NPAS2: variants seen among roughly 807,000 people sequenced by gnomAD.
The protein encoded by NPAS2 is neuronal PAS domain protein 2.
A neutral mutation model predicts 107.5 loss-of-function variants in NPAS2; 23 were observed. That is an observed-to-expected ratio of 0.21 (90% CI 0.15 to 0.30). The LOEUF is 0.30. Among genes scored for constraint, NPAS2 ranks in the 10% least tolerant of loss-of-function variants. The probability of loss-of-function intolerance (pLI) is 1.00; values close to 1 mark genes in which losing one functional copy is unlikely to be tolerated. For missense variants in NPAS2, 756 were observed against 1,043.3 expected, an observed-to-expected ratio of 0.72 and a Z score of 3.79; for synonymous variants, 403 against 417.5, an observed-to-expected ratio of 0.97 and a Z score of 0.42.
intron 1 of NPAS2, among the ~76,000 whole-genome samples, chr2:100,828,721 T>C (rs1444137149): frequency 3.9e-5 from 6 of 152,238 alleles, no homozygotes; most frequent in African/African-American, 1.4e-4. Flanking sequence ...TGTGGCTTTA[T>C]TTCTGAGTCC....
chr2:100,826,637 C>T (rs541894831), intron 1 of NPAS2, among the ~76,000 whole-genome samples: 1 of 152,072 alleles, frequency 6.6e-6, no homozygotes, highest in Non-Finnish European at 1.5e-5. Context: ...ATTGAGTTGA[C>T]TGTTACAGTT....
intron 4 of NPAS2, among the ~76,000 whole-genome samples, chr2:100,934,464 G>A (rs867738721): frequency 4.6e-5 from 7 of 152,164 alleles, no homozygotes; most frequent in Non-Finnish European, 7.3e-5. Flanking sequence ...ATTGATATTT[G>A]TATAGTCTTT....
intron 5 of NPAS2, among the ~76,000 whole-genome samples, chr2:100,942,149 A>G (rs192300837): frequency 6.6e-6 from 1 of 152,336 alleles, no homozygotes; most frequent in East Asian, 1.9e-4. Context: ...TCTGCAGGCC[A>G]GAAAATACTT....
chr2:100,931,432 T>C (rs903931641), intron 3 of NPAS2, among the ~76,000 whole-genome samples: 21 of 151,702 alleles, frequency 1.4e-4, no homozygotes, highest in African/African-American at 5.1e-4. Flanking sequence ...GCTGGGAACA[T>C]TGGGTTTTGG....
At chr2:100,966,345 T>C (rs1008626713) in intron 10 of NPAS2, among the ~76,000 whole-genome samples, 1 of 152,090 alleles carries the variant, frequency 6.6e-6, no homozygotes. Flanking sequence ...CTTTGCCACA[T>C]ACGAGGCGAA....
chr2:100,978,722 C>T (rs537580998), intron 15 of NPAS2, among the ~76,000 whole-genome samples: 5 of 152,276 alleles, frequency 3.3e-5, no homozygotes, highest in African/African-American at 7.2e-5. Context: ...TAAACAGAGA[C>T]GCCGCCGTGG....
chr2:100,926,894 CTA>C (rs1683601064), intron 3 of NPAS2, among the ~76,000 whole-genome samples: 1 of 149,752 alleles, frequency 6.7e-6, no homozygotes, highest in Non-Finnish European at 1.5e-5. Flanking sequence ...AGATTTATAT[CTA>C]TGTTTTCTTC....
intron 1 of NPAS2, among the ~76,000 whole-genome samples, chr2:100,842,081 G>GCGCGCGCGCGCGCGCGCGCGCACACA: frequency 6.7e-6 from 1 of 148,798 alleles, no homozygotes; most frequent in African/African-American, 2.5e-5. Context: ...GCATGTACGC[G>GCGCGCGCGCGCGCGCGCGCGCACACA]CACACACACA....
chr2:100,900,527 A>G (rs1234614010), intron 1 of NPAS2, among the ~76,000 whole-genome samples: 1 of 152,202 alleles, frequency 6.6e-6, no homozygotes, highest in African/African-American at 2.4e-5. Flanking sequence ...TAAAGTAAGC[A>G]TACAGCTACC....
chr2:100,847,729 T>G (rs1677873722), intron 1 of NPAS2, among the ~76,000 whole-genome samples: 2 of 152,242 alleles, frequency 1.3e-5, no homozygotes, highest in African/African-American at 4.8e-5. Context: ...GTGTGACATC[T>G]GTAGGACTCA....
At chr2:100,891,911 G>A (rs1337479349) in intron 1 of NPAS2, among the ~76,000 whole-genome samples, 3 of 152,192 alleles carry the variant, frequency 2.0e-5, no homozygotes, top group African/African-American at 7.2e-5. Context: ...AGTATTTTGT[G>A]GATTCATTTC....
At chr2:100,992,375 G>T (rs1573817539) in intron 19 of NPAS2, among the ~76,000 whole-genome samples, 1 of 152,360 alleles carries the variant, frequency 6.6e-6, no homozygotes, top group East Asian at 1.9e-4. Context: ...CAGTGCTGCA[G>T]CCACTGTGTT....
chr2:100,943,291 A>G (rs1216057957), intron 5 of NPAS2, among the ~76,000 whole-genome samples: 11 of 152,216 alleles, frequency 7.2e-5, no homozygotes, highest in Admixed American at 7.2e-4. Context: ...TCGATTACCA[A>G]TGAGATTGAG....
Position 100,964,138 on chromosome 2 carries a change from A to G in NPAS2, c.679A>G (p.Ile227Val). 6.2e-7 allele frequency: 1 copy of G among 1,613,998 alleles called. No homozygotes were observed. Among genetic ancestry groups the G allele is most frequent in the Non-Finnish European group, 8.5e-7 (1 of 1,179,930 alleles). The change falls in exon 8 of 21, where the codon ATT becomes GTT. Residue 227 changes from isoleucine to valine, a missense_variant. Transcript: ENST00000335681. ...GCCACTAGGAAAGGAGGTTTGCTTC[A>G]TTGCCACCGTTCGTCTGGCAACACC... ...RVPLGKEVCFIATVRLATPQF... is the reference protein window; with the variant it reads ...RVPLGKEVCFVATVRLATPQF...
At position 100,870,763 on chromosome 2, in the gene NPAS2, G is replaced by A. The variant is rs920088; in HGVS notation, c.-22-33970G>A. Among the ~76,000 whole-genome samples, 349 of 152,212 alleles carry A rather than the reference G, an allele frequency of 2.3e-3. 3 individuals are homozygous for A. The highest frequency in any genetic ancestry group is 8.2e-3 in the African/African-American group (342 of 41,532). On this transcript the variant is annotated intron_variant, in intron 1 of 20. Coordinates refer to ENST00000335681, the MANE Select transcript of NPAS2 (RefSeq NM_002518.4). The stretch of plus-strand genomic sequence containing the variant: ...TCTTCTTCCATGTTGTCTGTAGTTG[G>A]GCACACACCCCCAACCAGCACTATG...
rs529827048 is a variant in NPAS2 at position 100,995,998 on chromosome 2, T to C, written c.*416T>C. 100 of 1,233,892 alleles carry C rather than the reference T, an allele frequency of 8.1e-5. 1 individual carries two copies. The South Asian group carries it at 1.3e-3, about 16-fold the overall frequency. The allele number at this position is 1,233,892 out of a possible 1,614,324, so 76.4% of individuals were successfully genotyped here. On this transcript the variant is annotated 3_prime_UTR_variant, in exon 21 of 21. Transcript: ENST00000335681. ...TCTTTCCTTTGTATTGGAGAAGGACTGGGTCAGAGATCTGTTGGAGAGAGA... is the reference window on the plus strand; with the variant it reads ...TCTTTCCTTTGTATTGGAGAAGGACCGGGTCAGAGATCTGTTGGAGAGAGA...
Position 100,975,476 on chromosome 2 carries a change from T to A in NPAS2, c.1301T>A (p.Met434Lys), listed in dbSNP as rs779158730. The change falls in exon 14 of 21, where the codon ATG (methionine) becomes AAG (lysine). Residue 434 changes from methionine to lysine, a missense_variant. Met to Lys is a moderately conservative substitution (Grantham distance 95, BLOSUM62 -1). Coordinates refer to ENST00000335681, the MANE Select transcript of NPAS2 (RefSeq NM_002518.4). ...CTTACAGCCACTCCCACCAAGCTGA[T>A]GGCAGAGGCCAGCACCCCGGCTTTG... ...SEPTSTPTKL[M>K]AEASTPALPR... 1 of 1,613,144 alleles carries A rather than the reference T, an allele frequency of 6.2e-7. No homozygotes were observed. Among genetic ancestry groups the A allele is most frequent in the Non-Finnish European group, 8.5e-7 (1 of 1,179,500 alleles).
rs867705386 is a variant in NPAS2, at chr2:100,820,433, G to C, written c.-23+19G>C. The stretch of plus-strand genomic sequence containing the variant: ...CTCCGAGGTAAGGGGCCGCGCCTAG[G>C]GGCGCGGGGGACCCAGGGTGGGTAG... On this transcript the variant is annotated intron_variant, in intron 1 of 20. Transcript: ENST00000335681. This position sits in a 1 kb window ranked among gnomAD's most constrained non-coding sequence, Gnocchi z 5.6. The C allele has an allele frequency of 4.0e-5, 6 of 150,974 alleles. No homozygotes were observed. The East Asian group carries it at 6.1e-4, about 15-fold the overall frequency. The allele number at this position is 150,974 out of a possible 1,614,324, so 9.4% of individuals were successfully genotyped here. A position where few individuals can be genotyped will look rare whatever the true frequency, so the allele number is the denominator to read the frequency against.
chr2:100,990,462 T>C lies in NPAS2; in HGVS notation c.2018+16T>C. On this transcript the variant is annotated intron_variant, in intron 18 of 20. Coordinates refer to ENST00000335681, the MANE Select transcript of NPAS2 (RefSeq NM_002518.4). ...GGCAGCTCAGGTACGAGACTGCCCTTGTTTAAAGGATAACCCAGGCATCAT... is the reference window on the plus strand; with the variant it reads ...GGCAGCTCAGGTACGAGACTGCCCTCGTTTAAAGGATAACCCAGGCATCAT... 6.2e-7 allele frequency: 1 copy of C among 1,613,486 alleles called. No individual in the cohort carries two copies. Among genetic ancestry groups the C allele is most frequent in the Non-Finnish European group, 8.5e-7 (1 of 1,179,434 alleles).
Sources: allele counts gnomAD v4.1 joint callset (sites outside exome capture counted in the v4.1 genomes callset), GRCh38; gene constraint gnomAD v4.1.1; non-coding constraint Gnocchi (gnomAD v3.1); transcripts MANE v1.5; gene names NCBI Gene and HGNC (gene_info 2026-07-23, HGNC 2026-07-21).